The following PCCA variants were observed in gnomAD, a reference collection of about 807,000 sequenced individuals.
PCCA encodes the protein propionyl-CoA carboxylase subunit alpha.
Under a neutral mutation model 101.3 loss-of-function variants are expected in PCCA, and 74 were observed. The ratio of observed to expected loss-of-function variants is 0.73; its 90% CI spans 0.61 to 0.89. The LOEUF (loss-of-function observed/expected upper bound fraction) is 0.89. PCCA is among the 40% of genes least tolerant of loss of function. The pLI is 0.00. For synonymous variants in PCCA, 294 were observed against 313.6 expected (o/e 0.94, Z 0.66); for missense variants, 891 against 907.0 (o/e 0.98, Z 0.23).
chr13:100,162,570 C>A (rs952987172), intron 6 of PCCA, among the ~76,000 whole-genome samples: 7 of 152,316 alleles, frequency 4.6e-5, no homozygotes, highest in Non-Finnish European at 2.9e-5. Flanking sequence ...CTTCCTTCCC[C>A]TCTTCCCCAT....
intron 4 of PCCA, among the ~76,000 whole-genome samples, chr13:100,119,083 G>T (rs192530984): frequency 8.5e-5 from 13 of 152,190 alleles, no homozygotes; most frequent in African/African-American, 3.1e-4. Context: ...AAAATTGCCT[G>T]AGCCTGATTA....
intron 20 of PCCA, among the ~76,000 whole-genome samples, chr13:100,448,176 G>C (rs890881426): frequency 6.6e-6 from 1 of 152,120 alleles, no homozygotes; most frequent in Non-Finnish European, 1.5e-5. Context: ...ATTAAGTAGA[G>C]CAAGTTTTTT....
chr13:100,139,957 A>G (rs1390908139), intron 4 of PCCA, among the ~76,000 whole-genome samples: 3 of 151,474 alleles, frequency 2.0e-5, no homozygotes, highest in Non-Finnish European at 4.4e-5. Context: ...ACTCCTATAC[A>G]GATCCACCCC....
Position 100,483,693 on chromosome 13 carries a change from A to G in PCCA, c.1900-31734A>G, listed in dbSNP as rs190399165. On this transcript the variant is annotated intron_variant, in intron 21 of 23. Transcript: ENST00000376285. ...CTAGAGTTAGGAAGTGAGAAATGCAATCGGTAAATTTTGCTTTTAAATAAA... is the reference window on the plus strand; with the variant it reads ...CTAGAGTTAGGAAGTGAGAAATGCAGTCGGTAAATTTTGCTTTTAAATAAA... Among the ~76,000 whole-genome samples the G allele has an allele frequency of 5.4e-3, 816 of 152,330 alleles. 5 individuals are homozygous for G. The highest frequency in any genetic ancestry group is 7.6e-3 in the Non-Finnish European group (519 of 68,018).
chr13:100,234,994 T>G (rs2060707320), intron 7 of PCCA, among the ~76,000 whole-genome samples: 1 of 152,122 alleles, frequency 6.6e-6, no homozygotes, highest in Non-Finnish European at 1.5e-5. Context: ...GATTCAGCAG[T>G]GTCCTGTGTT....
chr13:100,201,875 A>AC (rs2058526279), intron 6 of PCCA, among the ~76,000 whole-genome samples: 1 of 150,570 alleles, frequency 6.6e-6, no homozygotes, highest in Non-Finnish European at 1.5e-5. Context: ...AAAAAAAAAA[A>AC]AAAAAAAAAA....
chr13:100,393,407 A>T (rs2076899509), intron 19 of PCCA, among the ~76,000 whole-genome samples: 1 of 147,894 alleles, frequency 6.8e-6, no homozygotes, highest in South Asian at 2.1e-4. Flanking sequence ...TTTATTAACT[A>T]CTGAAGAGTC....
chr13:100,293,003 T>C (rs1187971511), intron 12 of PCCA, among the ~76,000 whole-genome samples: 1 of 151,624 alleles, frequency 6.6e-6, no homozygotes, highest in African/African-American at 2.4e-5. Context: ...ATGCTAGGTT[T>C]TTTTTTAGAT....
chr13:100,466,703 C>A (rs1489244134), intron 21 of PCCA, among the ~76,000 whole-genome samples: 1 of 152,040 alleles, frequency 6.6e-6, no homozygotes, highest in African/African-American at 2.4e-5. Context: ...ACTAAAAATA[C>A]AAAAATTAGC....
intron 17 of PCCA, among the ~76,000 whole-genome samples, chr13:100,331,001 G>A (rs763184877): frequency 4.6e-5 from 7 of 152,058 alleles, no homozygotes; most frequent in Non-Finnish European, 8.8e-5. Context: ...TTCTACTGAG[G>A]TGAGTATATA....
At chr13:100,187,171 A>C (rs1284128288) in intron 6 of PCCA, among the ~76,000 whole-genome samples, 2 of 152,214 alleles carry the variant, frequency 1.3e-5, no homozygotes, top group Non-Finnish European at 2.9e-5. Flanking sequence ...AGAAGTTTAA[A>C]AATACTCCAT....
chr13:100,350,889 T>C (rs2073185328), intron 18 of PCCA, among the ~76,000 whole-genome samples: 1 of 152,236 alleles, frequency 6.6e-6, no homozygotes. Flanking sequence ...ACTCTAACCT[T>C]TCCCAATTCA....
intron 22 of PCCA, among the ~76,000 whole-genome samples, chr13:100,521,221 G>A (rs2153002542): frequency 6.6e-6 from 1 of 152,326 alleles, no homozygotes; most frequent in African/African-American, 2.4e-5. Context: ...CCACAAGTCT[G>A]TACTCTTACC....
Position 100,114,553 on chromosome 13 carries a change from G to A in PCCA, c.300+2492G>A, listed in dbSNP as rs1411231738. ...GTGGAGGTTGCTGTGAGCCAAGATC[G>A]TGCCACTGCGCTGTAGCGTGGGCGA... On this transcript the variant is annotated intron_variant, in intron 4 of 23. Transcript: ENST00000376285. Among the ~76,000 whole-genome samples, 176 of 152,276 alleles carry A rather than the reference G, an allele frequency of 1.2e-3. 3 individuals are homozygous for A. Among genetic ancestry groups the A allele is most frequent in the East Asian group, 1.9e-4 (1 of 5,182 alleles).
chr13:100,274,054 A>C (rs1479369137), intron 12 of PCCA, among the ~76,000 whole-genome samples: 2 of 152,202 alleles, frequency 1.3e-5, no homozygotes, highest in Non-Finnish European at 2.9e-5. Flanking sequence ...AGTATTTACA[A>C]AACAGCCAGC....
chr13:100,517,348 C>T (rs1466866132), intron 22 of PCCA, among the ~76,000 whole-genome samples: 1 of 152,166 alleles, frequency 6.6e-6, no homozygotes, highest in Non-Finnish European at 1.5e-5. Flanking sequence ...TTCCCACATA[C>T]CGAAAGGGTT....
intron 6 of PCCA, among the ~76,000 whole-genome samples, chr13:100,182,704 T>G (rs2056910675): frequency 6.6e-6 from 1 of 152,090 alleles, no homozygotes; most frequent in Admixed American, 6.6e-5. Flanking sequence ...GCGGCCCTGT[T>G]GGAACATGCT....
chr13:100,359,945 A>C (rs2074382501), intron 18 of PCCA, among the ~76,000 whole-genome samples: 1 of 152,198 alleles, frequency 6.6e-6, no homozygotes, highest in African/African-American at 2.4e-5. Context: ...AGAAATTGGC[A>C]CATTGATTTT....
At chr13:100,429,240 T>C (rs1022110305) in intron 20 of PCCA, among the ~76,000 whole-genome samples, 4 of 152,054 alleles carry the variant, frequency 2.6e-5, no homozygotes, top group African/African-American at 9.7e-5. Context: ...CTTTTCTCTC[T>C]CTGCTTGCTT....
Sources: gnomAD v4.1 joint callset for allele counts (sites outside exome capture counted in the v4.1 genomes callset) on GRCh38, gnomAD v4.1.1 for gene constraint, MANE v1.5 for transcripts, NCBI Gene and HGNC (gene_info 2026-07-23, HGNC 2026-07-21) for gene names.